CATSPERD: variants seen among roughly 807,000 people sequenced by gnomAD.
The protein encoded by CATSPERD is catsper channel auxiliary subunit delta.
A neutral mutation model predicts 98.1 loss-of-function variants in CATSPERD; 86 were observed. The ratio of observed to expected loss-of-function variants is 0.88; its 90% CI spans 0.74 to 1.05. CATSPERD has a LOEUF of 1.05. Among genes scored for constraint, CATSPERD ranks in the 50% least tolerant of loss-of-function variants. The pLI is 0.00. For synonymous variants in CATSPERD, 394 were observed against 390.2 expected, an observed-to-expected ratio of 1.01 and a Z score of -0.12; for missense variants, 995 against 1,005.7, an observed-to-expected ratio of 0.99 and a Z score of 0.14.
At chr19:5,754,393 C>CT (rs749080620) in intron 13 of CATSPERD, 148 bp downstream of exon 13, 21,791 of 228,144 alleles carry the variant, frequency 0.096, 58 homozygotes, top group South Asian at 0.15. Flanking sequence ...GTCTCTGTGT[C>CT]TTTTTTTTTT....
chr19:5,762,058 A>ATATATATATTTTTT, intron 15 of CATSPERD, among the ~76,000 whole-genome samples: 45 of 10,432 alleles, frequency 4.3e-3, no homozygotes, highest in East Asian at 0.012. Context: ...ATATATATAT[A>ATATATATATTTTTT]TTTTTTTTTT....
At chr19:5,770,873 C>A in intron 18 of CATSPERD, 71 bp from the exon 19 acceptor site, 2 of 1,519,852 alleles carry the variant, frequency 1.3e-6, no homozygotes, top group Non-Finnish European at 1.8e-6. Context: ...AAAGAAACTG[C>A]GGCTGTGAAG....
intron 21 of CATSPERD, among the ~76,000 whole-genome samples, chr19:5,776,869 C>T (rs2056749467): frequency 1.4e-5 from 2 of 146,580 alleles, no homozygotes; most frequent in African/African-American, 2.5e-5. Context: ...CAGAGCGAGA[C>T]TCCATCTCAA....
At position 5,763,295 on chromosome 19, in the gene CATSPERD, T is replaced by A. The variant is rs2056478074; in HGVS notation, c.1506+2T>A. On this transcript the variant is annotated splice_donor_variant, in intron 16 of 21. Transcript: ENST00000381624. LOFTEE classifies it high-confidence loss of function. ...TCATGTGTGGATATCAAGCCACTGG[T>A]AGGTCCCAAATCTTTGCTGTCCCAT... The A allele has an allele frequency of 6.2e-7, 1 of 1,612,358 alleles. No homozygotes were observed. The highest frequency in any genetic ancestry group is 8.5e-7 in the Non-Finnish European group (1 of 1,178,428).
chr19:5,731,414 G>T (rs2055714952), intron 4 of CATSPERD, among the ~76,000 whole-genome samples: 1 of 151,994 alleles, frequency 6.6e-6, no homozygotes, highest in East Asian at 1.9e-4. Context: ...CTTGAGCCGG[G>T]AGCTAGAGGT....
At chr19:5,732,684 TGTTTTTG>T (rs1369755309) in intron 4 of CATSPERD, among the ~76,000 whole-genome samples, 16 of 152,184 alleles carry the variant, frequency 1.1e-4, no homozygotes, top group Middle Eastern at 3.4e-3. Context: ...TGTTTTGTTT[TGTTTTTG>T]GTTTTTGAGA....
intron 13 of CATSPERD, among the ~76,000 whole-genome samples, chr19:5,757,352 C>T (rs2056342852): frequency 1.4e-5 from 2 of 143,826 alleles, no homozygotes; most frequent in Non-Finnish European, 3.0e-5. Flanking sequence ...GGCGGGAGTA[C>T]AATGGCGTGA....
intron 1 of CATSPERD, among the ~76,000 whole-genome samples, chr19:5,721,690 A>T (rs2055482438): frequency 6.6e-6 from 1 of 151,068 alleles, no homozygotes; most frequent in Non-Finnish European, 1.5e-5. Flanking sequence ...TTTTGTACAG[A>T]TGGGGTCTCA....
chr19:5,744,631 C>T (rs960437591), intron 8 of CATSPERD, 121 bp downstream of exon 8: 3 of 569,326 alleles, frequency 5.3e-6, no homozygotes, highest in South Asian at 2.4e-5. Flanking sequence ...GACAGAGTCT[C>T]GCTCTGTCAG....
In CATSPERD at chr19:5,772,850, G is replaced by A. The variant is rs200648609; in HGVS notation, c.1826G>A (p.Gly609Glu). The change falls in exon 20 of 22, where the codon GGG becomes GAG. Residue 609 changes from glycine to glutamate, a missense_variant. Transcript: ENST00000381624. ...GAGTATGTGTTACTGGAGGTGAACG[G>A]GCAGTTCTCATACTCCTATTCCCTG... ...DAEYVLLEVN[G>E]QFSYSYSLTA... is the part of the protein sequence containing the mutation. 34 of 1,613,934 alleles carry A rather than the reference G, an allele frequency of 2.1e-5. No individual in the cohort carries two copies. The highest frequency in any genetic ancestry group is 2.6e-5 in the Non-Finnish European group (31 of 1,180,010).
intron 16 of CATSPERD, among the ~76,000 whole-genome samples, chr19:5,763,768 G>A (rs2056486172): frequency 6.7e-6 from 1 of 150,076 alleles, no homozygotes; most frequent in African/African-American, 2.4e-5. Context: ...TTACAGGCGT[G>A]AGCCACTGTG....
intron 7 of CATSPERD, among the ~76,000 whole-genome samples, chr19:5,741,370 T>C (rs891085044): frequency 6.6e-5 from 10 of 152,176 alleles, no homozygotes; most frequent in South Asian, 6.2e-4. Flanking sequence ...TTCTGGAGGT[T>C]GGGAAGTCCA....
At chr19:5,721,380 C>G (rs1401944879) in intron 1 of CATSPERD, among the ~76,000 whole-genome samples, 4 of 152,150 alleles carry the variant, frequency 2.6e-5, no homozygotes, top group Admixed American at 2.6e-4. Flanking sequence ...GGCGCGATCT[C>G]TGCTCACTGC....
Position 5,739,311 on chromosome 19 carries a change from T to TTC in CATSPERD, c.460-14_460-13insCT. ...CATCTTTCTTTCATTCTTTCTTTCT[T>TTC]TTTTTTTTTTATAGCATGTCAGTAA... On this transcript the variant is annotated splice_polypyrimidine_tract_variant and intron_variant, in intron 6 of 21. Coordinates refer to ENST00000381624, the MANE Select transcript of CATSPERD (RefSeq NM_152784.4). The TTC allele has an allele frequency of 8.2e-7, 1 of 1,216,280 alleles. No individual in the cohort carries two copies. Among genetic ancestry groups the TTC allele is most frequent in the Non-Finnish European group, 1.2e-6 (1 of 856,578 alleles). 75.3% of individuals were successfully genotyped at this position (1,216,280 alleles called of 1,614,324 possible). A position where few individuals can be genotyped will look rare whatever the true frequency, so the allele number is the denominator to read the frequency against.
At chr19:5,770,243 C>T (rs2056620027) in intron 18 of CATSPERD, among the ~76,000 whole-genome samples, 1 of 150,708 alleles carries the variant, frequency 6.6e-6, no homozygotes, top group Non-Finnish European at 1.5e-5. Flanking sequence ...GCCCAGCCAA[C>T]ATGATGAAAC....
intron 7 of CATSPERD, among the ~76,000 whole-genome samples, chr19:5,741,785 C>CCGGGGG (rs939602468): frequency 3.3e-4 from 2 of 6,100 alleles, no homozygotes; most frequent in Non-Finnish European, 9.7e-4. Flanking sequence ...ATGCTGAAGG[C>CCGGGGG]GGGGGGGGGG....
Position 5,720,822 on chromosome 19 carries a change from G to A in CATSPERD, c.71+14G>A, listed in dbSNP as rs761638546. On this transcript the variant is annotated intron_variant, in intron 1 of 21. Transcript: ENST00000381624. ...TCAGCTCTGTCGGTGGGGCTGCCAG[G>A]ACTCCTGGGGCTGGGGTGCTGCCGG... is the stretch of plus-strand genomic sequence containing the variant. The A allele has an allele frequency of 2.5e-6, 4 of 1,594,474 alleles. No homozygotes were observed. The South Asian group carries it at 3.3e-5, about 13-fold the overall frequency.
At chr19:5,728,034 T>G in intron 3 of CATSPERD, among the ~76,000 whole-genome samples, 1 of 35,754 alleles carries the variant, frequency 2.8e-5, no homozygotes, top group African/African-American at 1.0e-4. Context: ...GATCCCAGTA[T>G]CTACAAAAAA....
chr19:5,750,033 A>G (rs1036772527), intron 11 of CATSPERD, among the ~76,000 whole-genome samples: 2 of 150,898 alleles, frequency 1.3e-5, no homozygotes, highest in African/African-American at 4.9e-5. Flanking sequence ...TCAACTCCTG[A>G]CCTCAGGTGA....
Sources: allele counts gnomAD v4.1 joint callset (sites outside exome capture counted in the v4.1 genomes callset), GRCh38; gene constraint gnomAD v4.1.1; transcripts MANE v1.5; gene names NCBI Gene and HGNC (gene_info 2026-07-23, HGNC 2026-07-21).